SLCO1B3: variants seen among roughly 807,000 people sequenced by gnomAD.
SLCO1B3 encodes the protein solute carrier organic anion transporter family member 1B3.
SLCO1B3 carries 72 observed loss-of-function variants against 71.8 expected under a neutral mutation model. The observed-to-expected ratio is 1.00, with a 90% CI of 0.83 to 1.22. SLCO1B3 has a LOEUF of 1.22. Among genes scored for constraint, SLCO1B3 ranks in the 50% most tolerant of loss-of-function variants. The pLI is 0.00. For missense variants in SLCO1B3, 911 were observed against 819.7 expected, an observed-to-expected ratio of 1.11 and a Z score of -1.36; for synonymous variants, 298 against 278.4, an observed-to-expected ratio of 1.07 and a Z score of -0.70.
intron 13 of SLCO1B3, among the ~76,000 whole-genome samples, chr12:20,890,932 T>C (rs1409303683): frequency 6.6e-6 from 1 of 152,160 alleles, no homozygotes; most frequent in Non-Finnish European, 1.5e-5. Context: ...GGTGGGTTTT[T>C]TGTATGCAGC....
intron 3 of SLCO1B3, among the ~76,000 whole-genome samples, chr12:20,838,131 A>T (rs1016280489): frequency 7.4e-5 from 11 of 149,232 alleles, no homozygotes; most frequent in South Asian, 2.1e-4. Flanking sequence ...CTTTTTTTTT[A>T]AATTTTATTA....
At chr12:20,830,540 A>G (rs532736027) in intron 3 of SLCO1B3, among the ~76,000 whole-genome samples, 1 of 152,274 alleles carries the variant, frequency 6.6e-6, no homozygotes, top group East Asian at 1.9e-4. Flanking sequence ...AACATAGAGT[A>G]CCTACTCCTG....
Position 20,845,381 on chromosome 12 carries a change from G to A in SLCO1B3, c.85-9647G>A, listed in dbSNP as rs375369385. The A allele has an allele frequency of 1.6e-3, 337 of 204,998 alleles. 8 individuals are homozygous for A. In the South Asian group the frequency reaches 0.025, roughly 15 times the overall value. The allele number at this position is 204,998 out of a possible 1,614,324, so 12.7% of individuals were successfully genotyped here. A position where few individuals can be genotyped will look rare whatever the true frequency, so the allele number is the denominator to read the frequency against. On this transcript the variant is annotated intron_variant, in intron 3 of 15. Transcript: ENST00000381545. ...GAAATCACAGAAAGTCAGCTGTCCT[G>A]GCTATATGGGACTCTCATCCCAAGA...
At chr12:20,873,125 C>T (rs562947114) in intron 8 of SLCO1B3, among the ~76,000 whole-genome samples, 2 of 152,164 alleles carry the variant, frequency 1.3e-5, no homozygotes. Context: ...CCTCATCACT[C>T]TGCTTAAATC....
intron 15 of SLCO1B3, among the ~76,000 whole-genome samples, chr12:20,904,975 T>C (rs966842842): frequency 6.6e-6 from 1 of 151,976 alleles, no homozygotes; most frequent in African/African-American, 2.4e-5. Context: ...GGTCTTGCCA[T>C]GTTGGCCAGG....
intron 8 of SLCO1B3, among the ~76,000 whole-genome samples, chr12:20,863,111 G>T (rs548686367): frequency 3.6e-4 from 55 of 152,228 alleles, no homozygotes; most frequent in Admixed American, 8.5e-4. Flanking sequence ...AACCAAACTT[G>T]AAATGTCCCT....
At chr12:20,837,009 G>A (rs184634455) in intron 3 of SLCO1B3, among the ~76,000 whole-genome samples, 2 of 152,294 alleles carry the variant, frequency 1.3e-5, no homozygotes, top group African/African-American at 4.8e-5. Context: ...GCCTAATTCA[G>A]ATCATCAGTT....
At chr12:20,817,446 C>T (rs1370576068) in intron 3 of SLCO1B3, among the ~76,000 whole-genome samples, 2 of 152,028 alleles carry the variant, frequency 1.3e-5, no homozygotes, top group Non-Finnish European at 2.9e-5. Flanking sequence ...CTGTCTTTTC[C>T]CCATTGAATG....
At chr12:20,827,554 T>A (rs61921620) in intron 3 of SLCO1B3, among the ~76,000 whole-genome samples, 1,845 of 138,166 alleles carry the variant, frequency 0.013, 38 homozygotes, top group Non-Finnish European at 0.013. Flanking sequence ...CCAATTTAGA[T>A]ATTTCAGACT....
intron 3 of SLCO1B3, among the ~76,000 whole-genome samples, chr12:20,825,767 C>G (rs1350027439): frequency 7.0e-6 from 1 of 143,120 alleles, no homozygotes; most frequent in Non-Finnish European, 1.5e-5. Context: ...GCACTGCACT[C>G]CAGCCTGGGT....
intron 15 of SLCO1B3, among the ~76,000 whole-genome samples, chr12:20,909,430 C>G (rs1184268110): frequency 6.6e-6 from 1 of 151,710 alleles, no homozygotes; most frequent in African/African-American, 2.4e-5. Context: ...GCCTTGGCCT[C>G]CCAAAGTGCT....
intron 8 of SLCO1B3, among the ~76,000 whole-genome samples, chr12:20,867,340 A>G (rs1865392310): frequency 6.6e-6 from 1 of 152,184 alleles, no homozygotes; most frequent in Admixed American, 6.5e-5. Flanking sequence ...CAGGAAACAA[A>G]TTTCTACTGG....
At chr12:20,877,235 C>T (rs1482113102) in intron 9 of SLCO1B3, among the ~76,000 whole-genome samples, 2 of 115,040 alleles carry the variant, frequency 1.7e-5, no homozygotes, top group African/African-American at 5.4e-5. Flanking sequence ...TAAACATTTT[C>T]TATATTATGA....
At chr12:20,860,862 G>T (rs79425652) in intron 5 of SLCO1B3, among the ~76,000 whole-genome samples, 155 bp from the exon 6 acceptor site, 1 of 152,064 alleles carries the variant, frequency 6.6e-6, no homozygotes, top group African/African-American at 2.4e-5. Flanking sequence ...CTCATCACCT[G>T]TTCTGAAATA....
intron 3 of SLCO1B3, among the ~76,000 whole-genome samples, chr12:20,823,260 A>G (rs1864354535): frequency 6.6e-6 from 1 of 152,186 alleles, no homozygotes; most frequent in Non-Finnish European, 1.5e-5. Flanking sequence ...CCATGGCTTA[A>G]GAAAATCACA....
Position 20,877,936 on chromosome 12 carries a change from G to A in SLCO1B3, c.1135G>A (p.Gly379Arg). 6.3e-7 allele frequency: 1 copy of A among 1,581,316 alleles called. No individual in the cohort carries two copies. Among genetic ancestry groups the A allele is most frequent in the Non-Finnish European group, 8.6e-7 (1 of 1,165,668 alleles). ...TGCATCTCATGCTAACTTTTTGTTG[G>A]GTAAGACATATTTTTTACCTGTTTG... ...QSASHANFLL[G>R]IITIPTVATG... Residue 379 changes from glycine to arginine, a missense_variant and splice_region_variant, in exon 10 of 16, where the codon GGA (glycine) becomes AGA (arginine). Gly to Arg is a moderately radical substitution (Grantham distance 125). Transcript: ENST00000381545.
intron 15 of SLCO1B3, among the ~76,000 whole-genome samples, chr12:20,905,225 C>T (rs1200174133): frequency 1.3e-5 from 2 of 152,062 alleles, no homozygotes; most frequent in African/African-American, 2.4e-5. Flanking sequence ...TGGGCCTGAC[C>T]CACAAAACCA....
chr12:20,863,651 A>T (rs1395449552), intron 8 of SLCO1B3, among the ~76,000 whole-genome samples: 1 of 152,124 alleles, frequency 6.6e-6, no homozygotes, highest in Non-Finnish European at 1.5e-5. Context: ...TTCCTCAGCA[A>T]ACACACTGAA....
At chr12:20,827,053 G>C (rs1350412362) in intron 3 of SLCO1B3, among the ~76,000 whole-genome samples, 5 of 151,940 alleles carry the variant, frequency 3.3e-5, no homozygotes, top group Non-Finnish European at 5.9e-5. Context: ...CTTTTTTCTT[G>C]TTGTTGTTTT....
Sources: allele counts gnomAD v4.1 joint callset (sites outside exome capture counted in the v4.1 genomes callset), GRCh38; gene constraint gnomAD v4.1.1; transcripts MANE v1.5; gene names NCBI Gene and HGNC (gene_info 2026-07-23, HGNC 2026-07-21).